Variants in ERBB4 observed in about 807,000 individuals in gnomAD.
ERBB4 encodes the protein erb-b2 receptor tyrosine kinase 4, also known as receptor tyrosine-protein kinase erbB-4.
Under a neutral mutation model 158.0 loss-of-function variants are expected in ERBB4, and 42 were observed. The observed-to-expected ratio is 0.27, with a 90% CI of 0.21 to 0.34. ERBB4 has a LOEUF of 0.34. Among genes scored for constraint, ERBB4 ranks in the 10% least tolerant of loss-of-function variants. The pLI is 1.00. For missense variants in ERBB4, 1,333 were observed against 1,624.1 expected, an observed-to-expected ratio of 0.82 and a Z score of 3.08; for synonymous variants, 583 against 558.7, an observed-to-expected ratio of 1.04 and a Z score of -0.61.
intron 3 of ERBB4, among the ~76,000 whole-genome samples, chr2:211,922,140 G>T (rs2079873620): frequency 6.6e-6 from 1 of 152,128 alleles, no homozygotes; most frequent in Admixed American, 6.6e-5. Context: ...TTTGTCAGCA[G>T]TGTGGAAGAA....
intron 20 of ERBB4, among the ~76,000 whole-genome samples, chr2:211,466,965 G>A (rs2064709472): frequency 6.6e-6 from 1 of 151,726 alleles, no homozygotes; most frequent in African/African-American, 2.4e-5. Context: ...GCAAATTTTT[G>A]CTGAATTAAA....
At chr2:212,224,690 C>T (rs10172782) in intron 1 of ERBB4, among the ~76,000 whole-genome samples, 1 of 151,526 alleles carries the variant, frequency 6.6e-6, no homozygotes, top group Non-Finnish European at 1.5e-5. Flanking sequence ...ATGGTGGCAG[C>T]CAACACGTAG....
At chr2:212,247,809 C>A (rs1671384453) in intron 1 of ERBB4, among the ~76,000 whole-genome samples, 1 of 151,924 alleles carries the variant, frequency 6.6e-6, no homozygotes, top group Non-Finnish European at 1.5e-5. Flanking sequence ...GCTGAAAATA[C>A]AAAAATTAGC....
At chr2:212,483,574 A>T (rs1453997995) in intron 1 of ERBB4, among the ~76,000 whole-genome samples, 1 of 152,216 alleles carries the variant, frequency 6.6e-6, no homozygotes, top group Admixed American at 6.5e-5. Flanking sequence ...CTCCATAGAA[A>T]GTATCTATAT....
intron 19 of ERBB4, among the ~76,000 whole-genome samples, chr2:211,579,458 A>C (rs1469481241): frequency 6.6e-6 from 1 of 152,190 alleles, no homozygotes; most frequent in Admixed American, 6.5e-5. Context: ...GTATGTACCT[A>C]AAGGAATATA....
intron 1 of ERBB4, among the ~76,000 whole-genome samples, chr2:212,299,087 T>C (rs559355347): frequency 2.0e-5 from 3 of 151,832 alleles, no homozygotes; most frequent in Non-Finnish European, 4.4e-5. Context: ...TCATTATAAT[T>C]TGTGAGCTAA....
intron 5 of ERBB4, among the ~76,000 whole-genome samples, chr2:211,739,527 G>T (rs2106178061): frequency 6.6e-6 from 1 of 152,256 alleles, no homozygotes; most frequent in Non-Finnish European, 1.5e-5. Context: ...GCAGTGGTGT[G>T]ATCTTGGCTC....
At chr2:212,323,883 G>A (rs1270155617) in intron 1 of ERBB4, among the ~76,000 whole-genome samples, 1 of 150,280 alleles carries the variant, frequency 6.7e-6, no homozygotes, top group African/African-American at 2.4e-5. Context: ...TTTATTGACT[G>A]ACGTGTTGAA....
chr2:211,603,693 A>T (rs1329204670), intron 19 of ERBB4, among the ~76,000 whole-genome samples: 1 of 152,218 alleles, frequency 6.6e-6, no homozygotes. Context: ...GCCATTTTGA[A>T]AAATGGGATT....
chr2:211,447,680 T>C (rs778320167), intron 20 of ERBB4, among the ~76,000 whole-genome samples: 2 of 152,180 alleles, frequency 1.3e-5, no homozygotes, highest in South Asian at 2.1e-4. Context: ...TCCACTAGGA[T>C]TTAGCAGACT....
At chr2:211,691,596 G>A (rs548995333) in intron 12 of ERBB4, among the ~76,000 whole-genome samples, 3 of 143,794 alleles carry the variant, frequency 2.1e-5, no homozygotes, top group South Asian at 4.3e-4. Context: ...GTGTGTGTGT[G>A]TGTGTGTATA....
intron 1 of ERBB4, among the ~76,000 whole-genome samples, chr2:212,447,003 T>A (rs2092369652): frequency 2.0e-5 from 3 of 151,340 alleles, no homozygotes; most frequent in African/African-American, 7.3e-5. Context: ...TTCTTTTTTT[T>A]TTTTTTTTAT....
chr2:211,748,233 C>T (rs2075030177), intron 5 of ERBB4, among the ~76,000 whole-genome samples: 1 of 151,764 alleles, frequency 6.6e-6, no homozygotes, highest in Non-Finnish European at 1.5e-5. Flanking sequence ...AAATAAGACA[C>T]AGATGAAAAT....
intron 18 of ERBB4, among the ~76,000 whole-genome samples, chr2:211,622,445 G>A (rs994538069): frequency 2.0e-5 from 3 of 151,944 alleles, no homozygotes; most frequent in Non-Finnish European, 4.4e-5. Flanking sequence ...GAAAACTTCT[G>A]CATTTTGACC....
intron 3 of ERBB4, among the ~76,000 whole-genome samples, chr2:211,805,257 T>C (rs2076588987): frequency 6.6e-6 from 1 of 151,538 alleles, no homozygotes; most frequent in Non-Finnish European, 1.5e-5. Flanking sequence ...AACTCCTCCA[T>C]GCCATAGGCT....
At chr2:211,746,504 T>A (rs1167584389) in intron 5 of ERBB4, among the ~76,000 whole-genome samples, 1 of 151,970 alleles carries the variant, frequency 6.6e-6, no homozygotes, top group Non-Finnish European at 1.5e-5. Context: ...AGTCAAGACT[T>A]CCTCCCACCT....
chr2:211,750,816 C>G, intron 4 of ERBB4, 112 bp from the exon 5 acceptor site: 1 of 913,046 alleles, frequency 1.1e-6, no homozygotes. Flanking sequence ...ATTTTTATGT[C>G]ATACTAGAGC....
chr2:212,472,536 A>T (rs943410187), intron 1 of ERBB4, among the ~76,000 whole-genome samples: 4 of 150,618 alleles, frequency 2.7e-5, no homozygotes, highest in African/African-American at 7.3e-5. Flanking sequence ...TTCCATATTA[A>T]AAAAAAAACC....
Position 211,753,684 on chromosome 2 carries a change from T to C in ERBB4, c.557-2980A>G, listed in dbSNP as rs186379543. On this transcript the variant is annotated intron_variant, in intron 4 of 27. Transcript: ENST00000342788. Reference sequence around the variant, plus strand: ...TGTGACATCTAAAAGGAGATCACCCTAGACCATTTCAGTGAAGAATGTTAA... The same window carrying C: ...TGTGACATCTAAAAGGAGATCACCCCAGACCATTTCAGTGAAGAATGTTAA... 2.4e-3 allele frequency among the ~76,000 whole-genome samples: 369 copies of C among 151,456 alleles called. 3 individuals carry two copies. The highest frequency in any genetic ancestry group is 8.7e-3 in the African/African-American group (359 of 41,384).
Sources: gnomAD v4.1 joint callset for allele counts (sites outside exome capture counted in the v4.1 genomes callset) on GRCh38, gnomAD v4.1.1 for gene constraint, MANE v1.5 for transcripts, NCBI Gene and HGNC (gene_info 2026-07-23, HGNC 2026-07-21) for gene names.